Variants in TUT4 observed in about 807,000 individuals in gnomAD.
TUT4 encodes terminal uridylyltransferase 4.
In TUT4, 36 loss-of-function variants were observed where a neutral mutation model predicts 192.2. That is an observed-to-expected ratio of 0.19 (90% CI 0.14 to 0.25). TUT4 has a LOEUF of 0.25. Ranked by LOEUF, TUT4 falls within the 10% of genes least tolerant of loss-of-function variation. The probability of loss-of-function intolerance (pLI) is 1.00; values close to 1 mark genes in which losing one functional copy is unlikely to be tolerated. For missense variants in TUT4, 1,493 were observed against 1,957.2 expected (o/e 0.76, Z 4.47); for synonymous variants, 618 against 666.0 (o/e 0.93, Z 1.11).
chr1:52,426,902 C>T (rs1272173128), intron 28 of TUT4, among the ~76,000 whole-genome samples: 4 of 152,156 alleles, frequency 2.6e-5, no homozygotes, highest in Admixed American at 6.5e-5. Flanking sequence ...TAATCTCCTC[C>T]GATACAACTA....
At chr1:52,506,854 T>C (rs1441417085) in intron 4 of TUT4, among the ~76,000 whole-genome samples, 2 of 152,374 alleles carry the variant, frequency 1.3e-5, no homozygotes, top group East Asian at 3.9e-4. Flanking sequence ...TTTGACTAAA[T>C]GCTACATTAT....
At chr1:52,501,602 T>A (rs1207079863) in intron 4 of TUT4, among the ~76,000 whole-genome samples, 2 of 152,160 alleles carry the variant, frequency 1.3e-5, no homozygotes, top group Admixed American at 1.3e-4. Context: ...CAATTCCAAT[T>A]CTGGGTATAT....
chr1:52,431,593 T>A, intron 27 of TUT4, 133 bp from the exon 28 acceptor site: 2 of 721,624 alleles, frequency 2.8e-6, no homozygotes, highest in Non-Finnish European at 4.0e-6. Flanking sequence ...ATAATTAGTT[T>A]TTCCCAAGGT....
At chr1:52,497,998 T>C (rs527720164) in intron 4 of TUT4, among the ~76,000 whole-genome samples, 3 of 152,286 alleles carry the variant, frequency 2.0e-5, no homozygotes, top group South Asian at 2.1e-4. Context: ...CCATCAGATA[T>C]AATAGCCAAA....
chr1:52,463,375 T>A, intron 16 of TUT4: 1 of 996,004 alleles, frequency 1.0e-6, no homozygotes, highest in Non-Finnish European at 1.2e-6. Context: ...TTGCAACTTT[T>A]CAGTTTCTTT....
chr1:52,438,932 T>C (rs547370077), intron 24 of TUT4, among the ~76,000 whole-genome samples: 4 of 152,156 alleles, frequency 2.6e-5, no homozygotes, highest in African/African-American at 9.6e-5. Flanking sequence ...TAGCTGAGCA[T>C]GGTGGCGTGT....
intron 24 of TUT4, among the ~76,000 whole-genome samples, chr1:52,441,444 ATTTTTTTTTT>A (rs557710242): frequency 2.5e-5 from 3 of 119,970 alleles, no homozygotes; most frequent in African/African-American, 1.1e-4. Flanking sequence ...TCTCGGCTAA[ATTTTTTTTTT>A]TTTTTTTTTT....
At chr1:52,454,958 C>T (rs1303489279) in intron 20 of TUT4, among the ~76,000 whole-genome samples, 3 of 152,182 alleles carry the variant, frequency 2.0e-5, no homozygotes, top group Non-Finnish European at 2.9e-5. Flanking sequence ...GAAAAGATTT[C>T]CGCATAATGT....
chr1:52,461,453 C>G, intron 18 of TUT4, 60 bp downstream of exon 18: 1 of 1,471,372 alleles, frequency 6.8e-7, no homozygotes, highest in Non-Finnish European at 9.4e-7. Context: ...AACATAGAGT[C>G]AGTAATCTGT....
intron 6 of TUT4, 92 bp from the exon 7 acceptor site, chr1:52,493,754 T>C: frequency 1.3e-6 from 1 of 790,938 alleles, no homozygotes; most frequent in Non-Finnish European, 2.1e-6. Flanking sequence ...AAGAATAACA[T>C]TTAAATATAA....
chr1:52,502,893 G>C (rs1674545162), intron 4 of TUT4, among the ~76,000 whole-genome samples: 1 of 151,988 alleles, frequency 6.6e-6, no homozygotes, highest in African/African-American at 2.4e-5. Flanking sequence ...CAAAGTACTA[G>C]GATTACAGGC....
intron 1 of TUT4, among the ~76,000 whole-genome samples, chr1:52,529,216 C>A (rs1408569647): frequency 6.6e-6 from 1 of 151,740 alleles, no homozygotes; most frequent in Non-Finnish European, 1.5e-5. Flanking sequence ...AAATTTTAAA[C>A]CACACTACAT....
intron 3 of TUT4, chr1:52,515,087 G>A (rs1280282101): frequency 6.6e-6 from 1 of 152,134 alleles, no homozygotes; most frequent in Admixed American, 6.5e-5. Context: ...CGTGATTTGT[G>A]ATTCTTTCCT....
intron 20 of TUT4, among the ~76,000 whole-genome samples, chr1:52,454,938 A>T (rs1479533498): frequency 1.3e-5 from 2 of 152,230 alleles, no homozygotes; most frequent in Admixed American, 1.3e-4. Context: ...GAATGGCAAA[A>T]TAAGCATATG....
chr1:52,457,195 C>T (rs1035864352), intron 20 of TUT4, among the ~76,000 whole-genome samples: 1 of 151,994 alleles, frequency 6.6e-6, no homozygotes. Flanking sequence ...CTATCTGACA[C>T]CTACTATATG....
At chr1:52,542,757 A>ACT (rs772350885) in intron 1 of TUT4, among the ~76,000 whole-genome samples, 13 of 147,634 alleles carry the variant, frequency 8.8e-5, no homozygotes, top group South Asian at 4.4e-4. Flanking sequence ...CTTTTTATTT[A>ACT]TTTATTTATT....
At chr1:52,446,117 G>A in intron 22 of TUT4, 113 bp from the exon 23 acceptor site, 1 of 1,303,996 alleles carries the variant, frequency 7.7e-7, no homozygotes, top group Non-Finnish European at 1.1e-6. Flanking sequence ...ATACAAATCA[G>A]CAAACTCTTC....
At chr1:52,534,800 C>G in intron 1 of TUT4, among the ~76,000 whole-genome samples, 1 of 152,202 alleles carries the variant, frequency 6.6e-6, no homozygotes, top group South Asian at 2.1e-4. Context: ...GAGGTCAAGG[C>G]TGCAGTGAGC....
At chr1:52,492,092 G>A (rs2149095696) in intron 7 of TUT4, among the ~76,000 whole-genome samples, 1 of 152,286 alleles carries the variant, frequency 6.6e-6, no homozygotes, top group African/African-American at 2.4e-5. Context: ...TACCTAGGAA[G>A]TCTGAAGAGG....
Sources: allele counts gnomAD v4.1 joint callset (sites outside exome capture counted in the v4.1 genomes callset), GRCh38; gene constraint gnomAD v4.1.1; transcripts MANE v1.5; gene names NCBI Gene and HGNC (gene_info 2026-07-23, HGNC 2026-07-21).